Variants in ARHGAP15 observed in about 807,000 individuals in gnomAD.
The protein encoded by ARHGAP15 is Rho GTPase activating protein 15.
ARHGAP15 carries 51 observed loss-of-function variants against 63.7 expected under a neutral mutation model. The observed-to-expected ratio is 0.80, with a 90% CI of 0.64 to 1.01. The LOEUF (loss-of-function observed/expected upper bound fraction) is 1.01, where lower values mean the gene tolerates loss of function less well. Among genes scored for constraint, ARHGAP15 ranks in the 50% least tolerant of loss-of-function variants. ARHGAP15 has a pLI of 0.00. For missense variants in ARHGAP15, 560 were observed against 564.6 expected, an observed-to-expected ratio of 0.99 and a Z score of 0.08; for synonymous variants, 191 against 193.8, an observed-to-expected ratio of 0.99 and a Z score of 0.12.
intron 2 of ARHGAP15, among the ~76,000 whole-genome samples, chr2:143,173,233 A>G (rs1483295414): frequency 6.6e-6 from 1 of 152,124 alleles, no homozygotes; most frequent in South Asian, 2.1e-4. Flanking sequence ...TGTTTGTTTC[A>G]TGTACAAGTA....
At chr2:143,166,996 AAAT>A (rs763825981) in intron 2 of ARHGAP15, among the ~76,000 whole-genome samples, 1 of 152,012 alleles carries the variant, frequency 6.6e-6, no homozygotes, top group African/African-American at 2.4e-5. Flanking sequence ...ACTGATGTTG[AAAT>A]AATAATTTTT....
intron 6 of ARHGAP15, among the ~76,000 whole-genome samples, chr2:143,357,126 T>C (rs1685844085): frequency 6.6e-6 from 1 of 152,222 alleles, no homozygotes. Flanking sequence ...GGGAATAAGT[T>C]TCCATTACTG....
intron 12 of ARHGAP15, among the ~76,000 whole-genome samples, chr2:143,629,998 G>A (rs1699000146): frequency 6.6e-6 from 1 of 152,082 alleles, no homozygotes; most frequent in Admixed American, 6.6e-5. Flanking sequence ...TTGAGCAATA[G>A]CTATTGCCAA....
intron 6 of ARHGAP15, among the ~76,000 whole-genome samples, chr2:143,343,374 G>C (rs1473960120): frequency 1.3e-5 from 2 of 151,984 alleles, no homozygotes; most frequent in African/African-American, 4.8e-5. Context: ...TTGGCAGGGG[G>C]TGGGGTGGTC....
chr2:143,178,743 G>C (rs1022741543), intron 2 of ARHGAP15, among the ~76,000 whole-genome samples: 2 of 152,092 alleles, frequency 1.3e-5, no homozygotes, highest in African/African-American at 2.4e-5. Flanking sequence ...ATAGGCATAA[G>C]CCACTGCGTC....
At chr2:143,204,830 AC>A (rs1692263094) in intron 3 of ARHGAP15, among the ~76,000 whole-genome samples, 1 of 152,074 alleles carries the variant, frequency 6.6e-6, no homozygotes, top group South Asian at 2.1e-4. Context: ...TCTATCTCTT[AC>A]AAAATAATAT....
At chr2:143,414,682 C>A (rs1688603070) in intron 6 of ARHGAP15, among the ~76,000 whole-genome samples, 1 of 152,124 alleles carries the variant, frequency 6.6e-6, no homozygotes, top group Non-Finnish European at 1.5e-5. Context: ...ATCTCTAATC[C>A]CAACACTTTG....
At chr2:143,428,970 C>T (rs1322547106) in intron 6 of ARHGAP15, among the ~76,000 whole-genome samples, 1 of 151,908 alleles carries the variant, frequency 6.6e-6, no homozygotes, top group Non-Finnish European at 1.5e-5. Flanking sequence ...GTACACCCCC[C>T]CAGTTTAAAA....
intron 11 of ARHGAP15, among the ~76,000 whole-genome samples, chr2:143,568,731 C>T (rs552618711): frequency 1.3e-5 from 2 of 152,310 alleles, no homozygotes; most frequent in African/African-American, 4.8e-5. Flanking sequence ...TATTGCAGCA[C>T]TATTCACAAT....
At chr2:143,168,101 T>C (rs181335724) in intron 2 of ARHGAP15, among the ~76,000 whole-genome samples, 1 of 152,284 alleles carries the variant, frequency 6.6e-6, no homozygotes, top group East Asian at 1.9e-4. Context: ...GTAGCTTATA[T>C]TACATAGCTA....
At chr2:143,279,278 C>A (rs1370424799) in intron 6 of ARHGAP15, among the ~76,000 whole-genome samples, 1 of 152,066 alleles carries the variant, frequency 6.6e-6, no homozygotes, top group Non-Finnish European at 1.5e-5. Context: ...CATGTGAGAC[C>A]CTTCTCATTC....
chr2:143,187,744 G>A (rs1691506071), intron 2 of ARHGAP15, among the ~76,000 whole-genome samples: 1 of 152,180 alleles, frequency 6.6e-6, no homozygotes, highest in Admixed American at 6.5e-5. Flanking sequence ...CACTTATATT[G>A]AAGGATCTGA....
intron 10 of ARHGAP15, among the ~76,000 whole-genome samples, chr2:143,531,693 A>G (rs966315587): frequency 6.6e-6 from 1 of 152,200 alleles, no homozygotes; most frequent in African/African-American, 2.4e-5. Context: ...GTGTGGATAT[A>G]CAGATATTGT....
chr2:143,477,943 T>A (rs1205965174), intron 8 of ARHGAP15, among the ~76,000 whole-genome samples: 1 of 152,166 alleles, frequency 6.6e-6, no homozygotes, highest in East Asian at 1.9e-4. Context: ...CAGAAGTAAA[T>A]GTATTCACTT....
intron 6 of ARHGAP15, among the ~76,000 whole-genome samples, chr2:143,334,362 T>C: frequency 6.6e-6 from 1 of 152,202 alleles, no homozygotes; most frequent in Non-Finnish European, 1.5e-5. Flanking sequence ...AGCTATGATA[T>C]ACCTTATTTT....
chr2:143,742,582 T>C (rs1168323293), intron 13 of ARHGAP15, among the ~76,000 whole-genome samples: 1 of 152,168 alleles, frequency 6.6e-6, no homozygotes. Flanking sequence ...AAAGAAAGGT[T>C]TAAAAGGAAA....
At chr2:143,278,574 C>A (rs1681683762) in intron 6 of ARHGAP15, among the ~76,000 whole-genome samples, 1 of 152,102 alleles carries the variant, frequency 6.6e-6, no homozygotes, top group Non-Finnish European at 1.5e-5. Flanking sequence ...ACATTTCTTA[C>A]CCCAAGTATC....
intron 6 of ARHGAP15, among the ~76,000 whole-genome samples, chr2:143,348,222 A>T (rs1301841396): frequency 6.6e-6 from 1 of 152,202 alleles, no homozygotes; most frequent in Non-Finnish European, 1.5e-5. Context: ...TCAAAATGTC[A>T]CATGACAATT....
intron 6 of ARHGAP15, among the ~76,000 whole-genome samples, chr2:143,372,169 T>C (rs1287049023): frequency 6.6e-6 from 1 of 151,174 alleles, no homozygotes; most frequent in Non-Finnish European, 1.5e-5. Flanking sequence ...TGAAACCCCA[T>C]CTCTACGAAA....
Sources: gnomAD v4.1 joint callset for allele counts (sites outside exome capture counted in the v4.1 genomes callset) on GRCh38, gnomAD v4.1.1 for gene constraint, MANE v1.5 for transcripts, NCBI Gene and HGNC (gene_info 2026-07-23, HGNC 2026-07-21) for gene names.